The following SBNO2 variants were observed in gnomAD, a reference collection of about 807,000 sequenced individuals.
The protein encoded by SBNO2 is protein strawberry notch homolog 2.
In SBNO2, 89 loss-of-function variants were observed where a neutral mutation model predicts 146.3. The ratio of observed to expected loss-of-function variants is 0.61; its 90% CI spans 0.51 to 0.73. The LOEUF (loss-of-function observed/expected upper bound fraction) is 0.73. Among genes scored for constraint, SBNO2 ranks in the 30% least tolerant of loss-of-function variants. The pLI, the probability that SBNO2 is intolerant of heterozygous loss-of-function variation, is 0.00. For missense variants in SBNO2, 2,092 were observed against 2,003.7 expected, an observed-to-expected ratio of 1.04 and a Z score of -0.84; for synonymous variants, 1,147 against 892.6, an observed-to-expected ratio of 1.29 and a Z score of -5.08.
chr19:1,132,033 C>T, intron 4 of SBNO2: 1 of 1,352,610 alleles, frequency 7.4e-7, no homozygotes. Context: ...GAATGGGGTC[C>T]CACCTCCCAG....
At chr19:1,164,534 AG>A (rs2080385767) in intron 1 of SBNO2, among the ~76,000 whole-genome samples, 1 of 118,538 alleles carries the variant, frequency 8.4e-6, no homozygotes, top group Admixed American at 8.5e-5. Flanking sequence ...CAGGAGGAGG[AG>A]GAGGAGGAGG....
Position 1,157,364 on chromosome 19 carries a change from CG to C in SBNO2, c.-126-2963del, listed in dbSNP as rs1341045278. ...CGGAGACGCTCTCCCCACGCGGCCC[CG>C]GAGACCCTCTGCCACGCAGCCCCGG... On this transcript the variant is annotated intron_variant, in intron 1 of 31. Coordinates refer to ENST00000361757, the MANE Select transcript of SBNO2 (RefSeq NM_014963.3). This position sits in a 1 kb window ranked among gnomAD's most constrained non-coding sequence, Gnocchi z 6.8. Among the ~76,000 whole-genome samples, 4 of 143,400 alleles carry C rather than the reference CG, an allele frequency of 2.8e-5. No individual in the cohort carries two copies. The highest frequency in any genetic ancestry group is 2.5e-4 in the East Asian group (1 of 4,052). The allele number at this position is 143,400 out of a possible 152,430, so 94.1% of individuals were successfully genotyped here. A position where few individuals can be genotyped will look rare whatever the true frequency, so the allele number is the denominator to read the frequency against.
At position 1,157,475 on chromosome 19, in the gene SBNO2, C is replaced by T. The variant is rs2080302771; in HGVS notation, c.-126-3073G>A. Among the ~76,000 whole-genome samples, 1 of 152,146 alleles carries T rather than the reference C, an allele frequency of 6.6e-6. No individual in the cohort carries two copies. ...CCACCCCGAGCCTCAGAGCCACGGG[C>T]CAGCCAAACGTCCAGCGGGCAGCAG... On this transcript the variant is annotated intron_variant, in intron 1 of 31. Transcript: ENST00000361757. This position sits in a 1 kb window ranked among gnomAD's most constrained non-coding sequence, Gnocchi z 6.8.
chr19:1,133,300 G>T (rs939305782), intron 4 of SBNO2, among the ~76,000 whole-genome samples: 4 of 152,186 alleles, frequency 2.6e-5, no homozygotes, highest in Non-Finnish European at 5.9e-5. Flanking sequence ...TGTGGCCAGG[G>T]GCCCTGGGAA....
At position 1,109,852 on chromosome 19, in the gene SBNO2, CG is replaced by C; in HGVS notation, c.3029-76del. 1 of 1,144,620 alleles carries C rather than the reference CG, an allele frequency of 8.7e-7. No homozygotes were observed. The highest frequency in any genetic ancestry group is 2.4e-5 in the East Asian group (1 of 41,192). The allele number at this position is 1,144,620 out of a possible 1,614,324, so 70.9% of individuals were successfully genotyped here. ...CTGGGGCCAGGGTCAGTCCCGTAGC[CG>C]GGGCGCACCCTAGAGACGACCCCCC... On this transcript the variant is annotated intron_variant, in intron 26 of 31. Coordinates refer to ENST00000361757, the MANE Select transcript of SBNO2 (RefSeq NM_014963.3). This position sits in a 1 kb window ranked among gnomAD's most constrained non-coding sequence, Gnocchi z 4.2.
rs991212109 is a variant in SBNO2, at chr19:1,138,766, G to A, written c.279+8543C>T. Among the ~76,000 whole-genome samples the A allele has an allele frequency of 1.9e-4, 27 of 144,852 alleles. 1 individual carries two copies. The highest frequency in any genetic ancestry group is 4.5e-5 in the Non-Finnish European group (3 of 66,904). On this transcript the variant is annotated intron_variant, in intron 4 of 31. Coordinates refer to ENST00000361757, the MANE Select transcript of SBNO2 (RefSeq NM_014963.3). ...CAGACAGACACAGTTGGTCCTCCAC[G>A]CCTCCATCACGGACAGACACAGTGG... is the stretch of plus-strand genomic sequence containing the variant.
At chr19:1,163,768 G>A (rs1231217139) in intron 1 of SBNO2, among the ~76,000 whole-genome samples, 1 of 152,234 alleles carries the variant, frequency 6.6e-6, no homozygotes, top group Non-Finnish European at 1.5e-5. Context: ...CATGCTGGGG[G>A]ACGGCCCCTC....
In SBNO2 at chr19:1,147,431, A is replaced by ACGGGG. The variant is rs778909029; in HGVS notation, c.168-12_168-11insCCCCG. The ACGGGG allele has an allele frequency of 3.0e-5, 18 of 591,872 alleles. No individual in the cohort carries two copies. The highest frequency in any genetic ancestry group is 5.0e-4 in the Middle Eastern group (1 of 2,012). The allele number at this position is 591,872 out of a possible 1,614,324, so 36.7% of individuals were successfully genotyped here. A position where few individuals can be genotyped will look rare whatever the true frequency, so the allele number is the denominator to read the frequency against. The stretch of plus-strand genomic sequence containing the variant: ...GAGCTCATGAACGGGCTGGAGGGAG[A>ACGGGG]TGGGGGGGGGGGAGGTGAGATGGGG... On this transcript the variant is annotated splice_polypyrimidine_tract_variant and intron_variant, in intron 3 of 31. Transcript: ENST00000361757.
chr19:1,160,390 C>A (rs2080332269), intron 1 of SBNO2, among the ~76,000 whole-genome samples: 1 of 152,218 alleles, frequency 6.6e-6, no homozygotes, highest in Non-Finnish European at 1.5e-5. Context: ...GCGGGGCGGC[C>A]TCACAGGAGG....
In SBNO2 at chr19:1,122,160, A is replaced by G. The variant is rs2079908282; in HGVS notation, c.1128T>C (p.Cys376=). 1 of 1,466,032 alleles carries G rather than the reference A, an allele frequency of 6.8e-7. No homozygotes were observed. The highest frequency in any genetic ancestry group is 9.0e-7 in the Non-Finnish European group (1 of 1,105,550). The allele number at this position is 1,466,032 out of a possible 1,614,324, so 90.8% of individuals were successfully genotyped here. A position where few individuals can be genotyped will look rare whatever the true frequency, so the allele number is the denominator to read the frequency against. Residue 376 remains cysteine (C), a synonymous_variant, in exon 11 of 32, where the codon TGT becomes TGC. Transcript: ENST00000361757. ...RTRLRQILDW[C]GEAFEGVIVF... ...ATACGACGCCCTCGAAGGCCTCCCC[A>G]CACCAGTCCAGGATCTGCCGGAGGC...
At chr19:1,120,236 C>T (rs2079884563) in intron 11 of SBNO2, 1 of 573,324 alleles carries the variant, frequency 1.7e-6, no homozygotes, top group Non-Finnish European at 3.1e-6. Context: ...TGGGTGTGGC[C>T]TGGGATGGCT....
chr19:1,129,135 TGCGTGCCTGTAATCCTA>T (rs1163677600), intron 4 of SBNO2, among the ~76,000 whole-genome samples: 1 of 152,026 alleles, frequency 6.6e-6, no homozygotes, highest in African/African-American at 2.4e-5. Flanking sequence ...GGCATGGTGG[TGCGTGCCTGTAATCCTA>T]GCTACTCGAG....
intron 23 of SBNO2, 87 bp downstream of exon 23, chr19:1,111,909 T>A: frequency 2.2e-5 from 25 of 1,124,368 alleles, no homozygotes; most frequent in Non-Finnish European, 2.5e-5. Flanking sequence ...CCAGCCCCCA[T>A]CTACCCCCTC....
chr19:1,151,784 T>C lies in SBNO2; in HGVS notation c.94-2342A>G, dbSNP rs569189818. On this transcript the variant is annotated intron_variant, in intron 2 of 31. Transcript: ENST00000361757. ...TTCAAGCGATTCTCCTGTCTCAGCC[T>C]CATGCGTAGCTGGGATTACAGGCGC... Among the ~76,000 whole-genome samples the C allele has an allele frequency of 5.3e-5, 8 of 152,336 alleles. No homozygotes were observed. The South Asian group carries it at 1.7e-3, about 32-fold the overall frequency.
chr19:1,117,880 G>C (rs1304474080), intron 14 of SBNO2, among the ~76,000 whole-genome samples: 6 of 152,222 alleles, frequency 3.9e-5, no homozygotes, highest in Non-Finnish European at 8.8e-5. Context: ...TGGTGGTCAG[G>C]TTTGGGGGCT....
chr19:1,169,035 A>T (rs1003519144), intron 1 of SBNO2: 2 of 152,242 alleles, frequency 1.3e-5, no homozygotes, highest in East Asian at 3.8e-4. Flanking sequence ...TTTCACTTGG[A>T]CGCTTGTTCT....
Position 1,110,853 on chromosome 19 carries a change from C to T in SBNO2, c.2920G>A (p.Gly974Arg), listed in dbSNP as rs1342199767. The T allele has an allele frequency of 6.2e-7, 1 of 1,613,620 alleles. No individual in the cohort carries two copies. The highest frequency in any genetic ancestry group is 8.5e-7 in the Non-Finnish European group (1 of 1,179,774). The part of the protein sequence containing the change: ...SITKFLNRIL[G>R]LEVHKQNALF... ...GCGTTCTGCTTGTGCACCTCCAGCC[C>T]CAGGATGCGGTTCAGGAACTTGGTG... The change falls in exon 26 of 32, where the codon GGG (glycine) becomes AGG (arginine). Residue 974 changes from glycine to arginine, a missense_variant. Transcript: ENST00000361757. The surrounding 1 kb of genome is among the most constrained non-coding windows in gnomAD (Gnocchi z 4.9).
At position 1,112,734 on chromosome 19, in the gene SBNO2, G is replaced by C; in HGVS notation, c.2379+84C>G. 1 of 1,479,376 alleles carries C rather than the reference G, an allele frequency of 6.8e-7. No homozygotes were observed. The highest frequency in any genetic ancestry group is 9.0e-7 in the Non-Finnish European group (1 of 1,112,614). 91.6% of individuals were successfully genotyped at this position (1,479,376 alleles called of 1,614,324 possible). A position where few individuals can be genotyped will look rare whatever the true frequency, so the allele number is the denominator to read the frequency against. The stretch of plus-strand genomic sequence containing the variant: ...GCACACACACACTCCAGAAGTGCGC[G>C]GGTCCACAGTCCCCGGGGACCCTTG... On this transcript the variant is annotated intron_variant, in intron 20 of 31. Transcript: ENST00000361757. This position sits in a 1 kb window ranked among gnomAD's most constrained non-coding sequence, Gnocchi z 5.9.
chr19:1,156,434 G>A (rs533610950), intron 1 of SBNO2, among the ~76,000 whole-genome samples: 3 of 152,198 alleles, frequency 2.0e-5, no homozygotes, highest in African/African-American at 7.2e-5. Context: ...ACCAGGAGGC[G>A]GAGGCGGAGG....
Sources: gnomAD v4.1 joint callset for allele counts (sites outside exome capture counted in the v4.1 genomes callset) on GRCh38, gnomAD v4.1.1 for gene constraint, Gnocchi (gnomAD v3.1) non-coding constraint, MANE v1.5 for transcripts, NCBI Gene and HGNC (gene_info 2026-07-23, HGNC 2026-07-21) for gene names.